The following PBX1 variants were observed in gnomAD, a reference collection of about 807,000 sequenced individuals.
PBX1 encodes the protein PBX homeobox 1.
A neutral mutation model predicts 53.4 loss-of-function variants in PBX1; 6 were observed. The ratio of observed to expected loss-of-function variants is 0.11; its 90% CI spans 0.06 to 0.22. The LOEUF is 0.22. PBX1 is among the 10% of genes least tolerant of loss of function. The pLI is 1.00. For synonymous variants in PBX1, 204 were observed against 212.3 expected (o/e 0.96, Z 0.34); for missense variants, 251 against 551.4 (o/e 0.46, Z 5.46).
At chr1:164,753,598 T>A (rs1160033110) in intron 2 of PBX1, among the ~76,000 whole-genome samples, 1 of 152,228 alleles carries the variant, frequency 6.6e-6, no homozygotes, top group Non-Finnish European at 1.5e-5. Context: ...ACACTTGACT[T>A]CGTGCAGGTC....
At chr1:164,724,012 C>T (rs186603692) in intron 2 of PBX1, among the ~76,000 whole-genome samples, 43 of 152,238 alleles carry the variant, frequency 2.8e-4, no homozygotes, top group East Asian at 1.7e-3. Context: ...TACCTGAACA[C>T]GTATGCTTAC....
intron 2 of PBX1, among the ~76,000 whole-genome samples, chr1:164,606,368 T>C (rs192128984): frequency 1.3e-5 from 2 of 152,298 alleles, no homozygotes; most frequent in Admixed American, 1.3e-4. Flanking sequence ...TGGACGCCTG[T>C]ATTCCCAGCT....
intron 2 of PBX1, among the ~76,000 whole-genome samples, chr1:164,691,885 T>C (rs1346643334): frequency 6.6e-6 from 1 of 152,184 alleles, no homozygotes; most frequent in Non-Finnish European, 1.5e-5. Flanking sequence ...CTCAGGTGAC[T>C]ACACAGTCAA....
chr1:164,677,930 A>G (rs1661532989), intron 2 of PBX1, among the ~76,000 whole-genome samples: 1 of 152,188 alleles, frequency 6.6e-6, no homozygotes. Flanking sequence ...TAATTCACAT[A>G]TATTTTGTTA....
At chr1:164,756,618 C>T (rs775649768) in intron 2 of PBX1, among the ~76,000 whole-genome samples, 32 of 152,160 alleles carry the variant, frequency 2.1e-4, no homozygotes, top group Non-Finnish European at 4.4e-4. Context: ...AAGCCTATAT[C>T]ATGAAAATAC....
chr1:164,673,777 G>A (rs762813454), intron 2 of PBX1, among the ~76,000 whole-genome samples: 3 of 152,152 alleles, frequency 2.0e-5, no homozygotes, highest in Non-Finnish European at 4.4e-5. Flanking sequence ...TGGGAATGCC[G>A]TGATTCCACG....
chr1:164,742,228 G>C (rs867999758), intron 2 of PBX1, among the ~76,000 whole-genome samples: 2 of 152,036 alleles, frequency 1.3e-5, no homozygotes, highest in Non-Finnish European at 2.9e-5. Flanking sequence ...GGATTGGAAG[G>C]CCCATCATGT....
At chr1:164,707,514 T>C (rs1234174671) in intron 2 of PBX1, among the ~76,000 whole-genome samples, 4 of 151,638 alleles carry the variant, frequency 2.6e-5, no homozygotes, top group African/African-American at 9.7e-5. Flanking sequence ...AAAACCACTG[T>C]AACTGTTTAT....
At position 164,792,733 on chromosome 1, in the gene PBX1, G is replaced by T; in HGVS notation, c.505G>T (p.Glu169Ter). The change falls in exon 3 of 9, where the codon GAG becomes TAG. Residue 169 changes from glutamate (E) to a stop codon, truncating the protein, a stop_gained. Transcript: ENST00000420696. LOFTEE classifies it high-confidence loss of function. ...QIYHTELEKY[E>*]QACNEFTTHV... ...CTACCATACGGAGCTGGAGAAATAC[G>T]AGCAGGTAACCAGAACCACCTGGGG... 1 of 1,601,914 alleles carries T rather than the reference G, an allele frequency of 6.2e-7. No homozygotes were observed. Among genetic ancestry groups the T allele is most frequent in the South Asian group, 1.1e-5 (1 of 90,174 alleles).
intron 2 of PBX1, among the ~76,000 whole-genome samples, chr1:164,768,053 T>C (rs1188827584): frequency 6.6e-6 from 1 of 152,070 alleles, no homozygotes; most frequent in Non-Finnish European, 1.5e-5. Context: ...AAACAACTTT[T>C]CTCATTCAGA....
At chr1:164,612,431 C>A (rs888445632) in intron 2 of PBX1, among the ~76,000 whole-genome samples, 2 of 152,114 alleles carry the variant, frequency 1.3e-5, no homozygotes, top group Non-Finnish European at 2.9e-5. Context: ...GTCTTCTAGG[C>A]TAGCGTTTAG....
chr1:164,707,259 A>G (rs1663472683), intron 2 of PBX1, among the ~76,000 whole-genome samples: 1 of 152,138 alleles, frequency 6.6e-6, no homozygotes, highest in East Asian at 1.9e-4. Context: ...TACCATATGA[A>G]TATTTTGTTA....
intron 2 of PBX1, among the ~76,000 whole-genome samples, chr1:164,694,552 G>A (rs1245813939): frequency 6.6e-6 from 1 of 152,132 alleles, no homozygotes; most frequent in African/African-American, 2.4e-5. Flanking sequence ...ACATATAACT[G>A]CCCGGCAAGC....
chr1:164,643,619 CTTTA>C (rs888897251), intron 2 of PBX1, among the ~76,000 whole-genome samples: 1 of 152,128 alleles, frequency 6.6e-6, no homozygotes, highest in Admixed American at 6.6e-5. Context: ...AATACCTTGG[CTTTA>C]TTTATTTATT....
Position 164,560,010 on chromosome 1 carries a change from C to A in PBX1, c.188C>A (p.Ala63Asp). Reference sequence around the variant, plus strand: ...GACCAGAGTTTGGATGAGGCGCAGGCCAGGTGAGATGGAGGCTTTTCTTTT... The same window carrying A: ...GACCAGAGTTTGGATGAGGCGCAGGACAGGTGAGATGGAGGCTTTTCTTTT... ...ITDQSLDEAQ[A>D]RKHALNCHRM... Residue 63 changes from alanine (A) to aspartate (D), a missense_variant, in exon 1 of 9, where the codon GCC becomes GAC. Transcript: ENST00000420696. 7.1e-7 allele frequency: 1 copy of A among 1,403,652 alleles called. No homozygotes were observed. 86.9% of individuals were successfully genotyped at this position (1,403,652 alleles called of 1,614,324 possible).
rs369795825 is a variant in PBX1 at position 164,768,129 on chromosome 1, T to TA, written c.266-24357dup. Reference sequence around the variant, plus strand: ...TATCTGAAGGGACATGAAAAGGGAGTAAAAAAAACCTAACATTGATTTCAC... The same window carrying TA: ...TATCTGAAGGGACATGAAAAGGGAGTAAAAAAAAACCTAACATTGATTTCAC... On this transcript the variant is annotated intron_variant, in intron 2 of 8. Transcript: ENST00000420696. 2.9e-4 allele frequency among the ~76,000 whole-genome samples: 44 copies of TA among 151,046 alleles called. 1 individual carries two copies. Among genetic ancestry groups the TA allele is most frequent in the African/African-American group, 9.7e-4 (40 of 41,080 alleles).
rs1377809037 is a variant in PBX1 at position 164,848,764 on chromosome 1, G to A, written c.*2088G>A. ...AGGGAGAAGTATGAGACCCTGAGGG[G>A]TGAGAATGGGCAGCTAGCAAGAACA... is the stretch of plus-strand genomic sequence containing the variant. On this transcript the variant is annotated 3_prime_UTR_variant, in exon 9 of 9. Coordinates refer to ENST00000420696, the MANE Select transcript of PBX1 (RefSeq NM_002585.4). 1.9e-6 allele frequency: 2 copies of A among 1,060,736 alleles called. No individual in the cohort carries two copies. The highest frequency in any genetic ancestry group is 2.3e-6 in the Non-Finnish European group (2 of 876,500). 65.7% of individuals were successfully genotyped at this position (1,060,736 alleles called of 1,614,324 possible).
In PBX1 at chr1:164,848,739, A is replaced by G. The variant is rs908180050; in HGVS notation, c.*2063A>G. 2 of 1,058,428 alleles carry G rather than the reference A, an allele frequency of 1.9e-6. No homozygotes were observed. The highest frequency in any genetic ancestry group is 2.3e-6 in the Non-Finnish European group (2 of 874,978). The allele number at this position is 1,058,428 out of a possible 1,614,324, so 65.6% of individuals were successfully genotyped here. A position where few individuals can be genotyped will look rare whatever the true frequency, so the allele number is the denominator to read the frequency against. On this transcript the variant is annotated 3_prime_UTR_variant, in exon 9 of 9. Transcript: ENST00000420696. ...CACATTGACTGCTTGGGAGGCTTCC[A>G]GGGAGAAGTATGAGACCCTGAGGGG...
At chr1:164,735,746 G>A (rs1364566217) in intron 2 of PBX1, among the ~76,000 whole-genome samples, 2 of 152,126 alleles carry the variant, frequency 1.3e-5, no homozygotes, top group Non-Finnish European at 2.9e-5. Flanking sequence ...TCAACATTCC[G>A]GGGTATCCTT....
Sources: gnomAD v4.1 joint callset for allele counts (sites outside exome capture counted in the v4.1 genomes callset) on GRCh38, gnomAD v4.1.1 for gene constraint, MANE v1.5 for transcripts, NCBI Gene and HGNC (gene_info 2026-07-23, HGNC 2026-07-21) for gene names.